NRP1: variants seen among roughly 807,000 people sequenced by gnomAD.
The protein encoded by NRP1 is neuropilin-1.
In NRP1, 35 loss-of-function variants were observed where a neutral mutation model predicts 106.7. The observed-to-expected ratio is 0.33, with a 90% confidence interval of 0.25 to 0.43. The LOEUF is 0.43. NRP1 is among the 20% of genes least tolerant of loss of function. The pLI is 1.00. For synonymous variants in NRP1, 437 were observed against 417.9 expected, an observed-to-expected ratio of 1.05 and a Z score of -0.56; for missense variants, 1,024 against 1,170.4, an observed-to-expected ratio of 0.87 and a Z score of 1.83.
At chr10:33,262,609 A>T (rs767022303) in intron 4 of NRP1, among the ~76,000 whole-genome samples, 1 of 151,798 alleles carries the variant, frequency 6.6e-6, no homozygotes, top group Non-Finnish European at 1.5e-5. Context: ...AGGCTGAGGC[A>T]GAAGAATTGC....
chr10:33,199,725 T>G (rs957159521), intron 11 of NRP1, among the ~76,000 whole-genome samples: 3 of 152,042 alleles, frequency 2.0e-5, no homozygotes, highest in Non-Finnish European at 4.4e-5. Flanking sequence ...CAATTCAGGG[T>G]AAGGGAATGG....
At position 33,179,768 on chromosome 10, in the gene NRP1, GGAGA is replaced by G. The variant is rs142405266; in HGVS notation, c.*304_*307del. 45 of 300,366 alleles carry G rather than the reference GGAGA, an allele frequency of 1.5e-4. No individual in the cohort carries two copies. The highest frequency in any genetic ancestry group is 2.2e-4 in the Non-Finnish European group (35 of 160,460). 18.6% of individuals were successfully genotyped at this position (300,366 alleles called of 1,614,324 possible). A position where few individuals can be genotyped will look rare whatever the true frequency, so the allele number is the denominator to read the frequency against. On this transcript the variant is annotated 3_prime_UTR_variant, in exon 17 of 17. Coordinates refer to ENST00000374867, the MANE Select transcript of NRP1 (RefSeq NM_003873.7). ...CCAAAAAGAATCCACAAAGGGGAGA[GGAGA>G]GAGAGAGAGAGGGGCAGGAGGGGTC...
chr10:33,244,438 T>C (rs1001384658), intron 6 of NRP1, among the ~76,000 whole-genome samples: 6 of 152,248 alleles, frequency 3.9e-5, no homozygotes, highest in African/African-American at 7.2e-5. Flanking sequence ...GTGCATGTTA[T>C]GGATTTCATT....
At chr10:33,256,149 A>G (rs1842181076) in intron 5 of NRP1, among the ~76,000 whole-genome samples, 167 bp downstream of exon 5, 1 of 152,194 alleles carries the variant, frequency 6.6e-6, no homozygotes, top group Non-Finnish European at 1.5e-5. Context: ...CACACCAAAC[A>G]GTTCTTCCTA....
intron 12 of NRP1, among the ~76,000 whole-genome samples, chr10:33,195,250 C>T (rs536594809): frequency 6.6e-6 from 1 of 152,058 alleles, no homozygotes; most frequent in Non-Finnish European, 1.5e-5. Context: ...TGCTCAGGCC[C>T]ATACAATCGT....
At chr10:33,318,789 C>A (rs1847225214) in intron 2 of NRP1, among the ~76,000 whole-genome samples, 1 of 138,828 alleles carries the variant, frequency 7.2e-6, no homozygotes, top group Non-Finnish European at 1.6e-5. Flanking sequence ...ACCACGATAA[C>A]TTTTGCGCCA....
chr10:33,266,592 G>A (rs1246123174), intron 3 of NRP1, among the ~76,000 whole-genome samples: 1 of 152,150 alleles, frequency 6.6e-6, no homozygotes, highest in Admixed American at 6.5e-5. Flanking sequence ...CTCGCAAAAG[G>A]ACAATGGCAG....
At position 33,192,421 on chromosome 10, in the gene NRP1, T is replaced by G. The variant is rs371729403; in HGVS notation, c.1925-3A>C. The stretch of plus-strand genomic sequence containing the variant: ...GTTAAAACCATATGTTGGAAACTCT[T>G]CAGTGGGTGGGAAGTAAAAATAAGA... On this transcript the variant is annotated splice_region_variant and splice_polypyrimidine_tract_variant and intron_variant, in intron 12 of 16. Transcript: ENST00000374867. 15 of 1,612,836 alleles carry G rather than the reference T, an allele frequency of 9.3e-6. No homozygotes were observed. Among genetic ancestry groups the G allele is most frequent in the Non-Finnish European group, 1.2e-5 (14 of 1,179,654 alleles).
intron 2 of NRP1, among the ~76,000 whole-genome samples, chr10:33,330,277 T>C (rs1014359370): frequency 6.6e-5 from 10 of 151,978 alleles, no homozygotes; most frequent in African/African-American, 2.4e-4. Flanking sequence ...GTTCAATATA[T>C]CTCAAATAGT....
intron 12 of NRP1, chr10:33,195,525 T>A (rs748583986): frequency 3.8e-6 from 2 of 533,242 alleles, no homozygotes; most frequent in Admixed American, 3.9e-5. Flanking sequence ...ATGATGAAGG[T>A]TTTGAGGTCT....
intron 6 of NRP1, among the ~76,000 whole-genome samples, chr10:33,241,505 A>G (rs1292498184): frequency 1.3e-5 from 2 of 152,156 alleles, no homozygotes; most frequent in East Asian, 3.9e-4. Flanking sequence ...AGTCCTTAAC[A>G]TAGTGGCAGC....
intron 8 of NRP1, among the ~76,000 whole-genome samples, chr10:33,219,925 G>T (rs996087731): frequency 2.6e-5 from 4 of 152,152 alleles, no homozygotes; most frequent in Non-Finnish European, 4.4e-5. Flanking sequence ...GCACAAATCT[G>T]TAATGCTCTG....
chr10:33,221,341 G>A (rs1839226187), intron 8 of NRP1, among the ~76,000 whole-genome samples: 2 of 152,196 alleles, frequency 1.3e-5, no homozygotes, highest in African/African-American at 4.8e-5. Flanking sequence ...TTGCCTTCAT[G>A]GAGCTTACAG....
rs1453127600 is a variant in NRP1 at position 33,252,816 on chromosome 10, C to G, written c.981+1212G>C. 3.3e-5 allele frequency among the ~76,000 whole-genome samples: 5 copies of G among 152,206 alleles called. No homozygotes were observed. In the South Asian group the frequency reaches 1.0e-3, roughly 32 times the overall value. On this transcript the variant is annotated intron_variant, in intron 6 of 16. Transcript: ENST00000374867. ...GGTAGACGTCTCATCTTTTCTCACT[C>G]TCTACATATTTCTCAGTGTTGGAGG...
At chr10:33,332,386 G>T (rs1313267507) in intron 1 of NRP1, among the ~76,000 whole-genome samples, 1 of 152,184 alleles carries the variant, frequency 6.6e-6, no homozygotes, top group Non-Finnish European at 1.5e-5. Context: ...AGAAAACTTG[G>T]AAAGTGACCT....
In NRP1 at chr10:33,213,380, C is replaced by T. The variant is rs763220139; in HGVS notation, c.1614+6G>A. ...GGATGACCTCCTCCCAGTCCCCAGC[C>T]CTCACCTTCGCCTTGCGTTTGCTGT... On this transcript the variant is annotated splice_donor_region_variant and intron_variant, in intron 9 of 16. Transcript: ENST00000374867. 6.2e-7 allele frequency: 1 copy of T among 1,614,104 alleles called. No individual in the cohort carries two copies. Among genetic ancestry groups the T allele is most frequent in the Non-Finnish European group, 8.5e-7 (1 of 1,180,046 alleles).
rs555716719 is a variant in NRP1, at chr10:33,269,836, C to G, written c.430+839G>C. The stretch of plus-strand genomic sequence containing the variant: ...GCACTCCTTATACGAGAATCTAATG[C>G]CTGAGGATCTGTCACTGTCTCCCAT... On this transcript the variant is annotated intron_variant, in intron 3 of 16. Coordinates refer to ENST00000374867, the MANE Select transcript of NRP1 (RefSeq NM_003873.7). 2.0e-5 allele frequency among the ~76,000 whole-genome samples: 3 copies of G among 152,280 alleles called. No individual in the cohort carries two copies. The East Asian group carries it at 5.8e-4, about 29-fold the overall frequency.
chr10:33,204,434 G>C (rs2269106), intron 10 of NRP1, among the ~76,000 whole-genome samples: 39,171 of 152,172 alleles, frequency 0.26, 5,648 homozygotes, highest in East Asian at 0.6. Flanking sequence ...ATTCTGGCCT[G>C]TATTTATTGC....
intron 11 of NRP1, among the ~76,000 whole-genome samples, chr10:33,200,817 G>T (rs1284657269): frequency 6.6e-6 from 1 of 152,160 alleles, no homozygotes; most frequent in Non-Finnish European, 1.5e-5. Flanking sequence ...AATAGCAAAT[G>T]GTTTTGTAAA....
Sources: gnomAD v4.1 joint callset for allele counts (sites outside exome capture counted in the v4.1 genomes callset) on GRCh38, gnomAD v4.1.1 for gene constraint, MANE v1.5 for transcripts, NCBI Gene and HGNC (gene_info 2026-07-23, HGNC 2026-07-21) for gene names.